Variants in AGMO observed in about 807,000 individuals in gnomAD.
AGMO encodes alkylglycerol monooxygenase, also known as glyceryl-ether monooxygenase.
Under a neutral mutation model 60.2 loss-of-function variants are expected in AGMO, and 75 were observed. That is an observed-to-expected ratio of 1.25 (90% confidence interval 1.03 to 1.51). The LOEUF (loss-of-function observed/expected upper bound fraction) is 1.51. Ranked by LOEUF, AGMO falls within the 40% of genes most tolerant of loss-of-function variation. AGMO has a pLI of 0.00. For synonymous variants in AGMO, 261 were observed against 177.1 expected, an observed-to-expected ratio of 1.47 and a Z score of -3.76; for missense variants, 763 against 525.5, an observed-to-expected ratio of 1.45 and a Z score of -4.42.
chr7:15,336,297 T>C (rs928488272), intron 12 of AGMO, among the ~76,000 whole-genome samples: 23 of 128,634 alleles, frequency 1.8e-4, no homozygotes, highest in African/African-American at 5.7e-4. Flanking sequence ...AGTTCTTTTG[T>C]TTATTTAGAA....
chr7:15,272,005 C>A (rs529621062), intron 12 of AGMO, among the ~76,000 whole-genome samples: 158 of 152,228 alleles, frequency 1.0e-3, no homozygotes, highest in Non-Finnish European at 2.0e-3. Context: ...GTTAAACCAT[C>A]TTTGCATCTC....
intron 12 of AGMO, among the ~76,000 whole-genome samples, chr7:15,241,016 T>A (rs2057807728): frequency 1.3e-5 from 2 of 152,174 alleles, no homozygotes; most frequent in African/African-American, 2.4e-5. Context: ...TAGATTCCAA[T>A]GAGCTTTAAC....
In AGMO at chr7:15,365,916, T is replaced by C. The variant is rs191319746; in HGVS notation, c.1157+224A>G. Among the ~76,000 whole-genome samples, 3 of 152,180 alleles carry C rather than the reference T, an allele frequency of 2.0e-5. No homozygotes were observed. In the East Asian group the frequency reaches 5.8e-4, roughly 29 times the overall value. On this transcript the variant is annotated intron_variant, in intron 11 of 12. Transcript: ENST00000342526. The stretch of plus-strand genomic sequence containing the variant: ...TTCTAGGGTTTAAAGTAAGTGAGAC[T>C]CTTTTCACTGATTTAATGTCTTCAT...
intron 3 of AGMO, among the ~76,000 whole-genome samples, chr7:15,542,603 A>G (rs375047690): frequency 1.3e-5 from 2 of 152,324 alleles, no homozygotes; most frequent in East Asian, 3.9e-4. Context: ...AGTATGTAAT[A>G]TAGTACAATA....
chr7:15,457,854 A>G (rs1368425877), intron 3 of AGMO, among the ~76,000 whole-genome samples: 3 of 152,074 alleles, frequency 2.0e-5, no homozygotes, highest in Non-Finnish European at 4.4e-5. Context: ...CATCTTTTCC[A>G]GGCTTTACTC....
chr7:15,163,939 G>T, the AGMO span, among the ~76,000 whole-genome samples: 1 of 151,974 alleles, frequency 6.6e-6, no homozygotes, highest in South Asian at 2.1e-4. Flanking sequence ...ATTTGACTAT[G>T]AATCTGTCTG....
At chr7:15,543,184 G>A (rs575760918) in intron 3 of AGMO, among the ~76,000 whole-genome samples, 14 of 152,156 alleles carry the variant, frequency 9.2e-5, no homozygotes, top group Middle Eastern at 6.8e-3. Context: ...ACCACCCACT[G>A]AAATCCTGAG....
At chr7:15,483,054 G>T (rs993868093) in intron 3 of AGMO, among the ~76,000 whole-genome samples, 6 of 151,964 alleles carry the variant, frequency 3.9e-5, no homozygotes, top group Non-Finnish European at 5.9e-5. Context: ...AGTACAGTGA[G>T]GCAAGAAGAA....
rs569953449 is a variant in AGMO at position 15,509,955 on chromosome 7, C to T, written c.409+34817G>A. Among the ~76,000 whole-genome samples, 25 of 152,212 alleles carry T rather than the reference C, an allele frequency of 1.6e-4. No homozygotes were observed. The East Asian group carries it at 2.7e-3, about 17-fold the overall frequency. ...GTGTGGAGAAAAGGGAACCCTAGTA[C>T]ACTGTGAGTGAGAATGTAAATTGGT... On this transcript the variant is annotated intron_variant, in intron 3 of 12. Coordinates refer to ENST00000342526, the MANE Select transcript of AGMO (RefSeq NM_001004320.2).
chr7:15,351,518 G>A (rs1040418383), intron 12 of AGMO, among the ~76,000 whole-genome samples: 2 of 152,020 alleles, frequency 1.3e-5, no homozygotes, highest in African/African-American at 4.8e-5. Flanking sequence ...TTAGCCAGCA[G>A]AAGAAAAAAG....
intron 12 of AGMO, among the ~76,000 whole-genome samples, chr7:15,273,615 A>G (rs1428195392): frequency 1.3e-5 from 2 of 151,994 alleles, no homozygotes; most frequent in Non-Finnish European, 2.9e-5. Flanking sequence ...GCTCTTTTTT[A>G]GTTCCATATG....
chr7:15,373,741 A>T (rs1783331737), intron 10 of AGMO, among the ~76,000 whole-genome samples: 1 of 152,180 alleles, frequency 6.6e-6, no homozygotes, highest in African/African-American at 2.4e-5. Flanking sequence ...AGATGATTTG[A>T]TAATATTTTC....
At position 15,425,583 on chromosome 7, in the gene AGMO, C is replaced by T. The variant is rs1375672354; in HGVS notation, c.513+5422G>A. On this transcript the variant is annotated intron_variant, in intron 4 of 12. Transcript: ENST00000342526. The stretch of plus-strand genomic sequence containing the variant: ...CCTCCTGAGTAGCTGGGACTACAGG[C>T]GTGCACCACCACACCCGACTAATTT... Among the ~76,000 whole-genome samples, 5 of 151,816 alleles carry T rather than the reference C, an allele frequency of 3.3e-5. No individual in the cohort carries two copies. The South Asian group carries it at 8.3e-4, about 25-fold the overall frequency.
intron 5 of AGMO, among the ~76,000 whole-genome samples, chr7:15,413,421 G>C (rs575318165): frequency 3.9e-5 from 6 of 152,178 alleles, no homozygotes; most frequent in African/African-American, 1.4e-4. Context: ...CAATGTTTAA[G>C]AAAATCATGA....
chr7:15,415,496 T>C (rs1005616576), intron 5 of AGMO, among the ~76,000 whole-genome samples: 1 of 151,962 alleles, frequency 6.6e-6, no homozygotes, highest in African/African-American at 2.4e-5. Flanking sequence ...GGAGCTGAGA[T>C]GGTGCCACTG....
At chr7:15,287,903 C>A (rs528081750) in intron 12 of AGMO, among the ~76,000 whole-genome samples, 1 of 152,110 alleles carries the variant, frequency 6.6e-6, no homozygotes, top group South Asian at 2.1e-4. Flanking sequence ...AGTCAATCAA[C>A]AGTTATGTAG....
At chr7:15,558,417 C>T (rs1269953336) in intron 2 of AGMO, among the ~76,000 whole-genome samples, 1 of 151,992 alleles carries the variant, frequency 6.6e-6, no homozygotes, top group Non-Finnish European at 1.5e-5. Flanking sequence ...ATACACTTAA[C>T]TTTCTGAGAA....
At chr7:15,548,599 G>C (rs983248633) in intron 2 of AGMO, among the ~76,000 whole-genome samples, 2 of 152,080 alleles carry the variant, frequency 1.3e-5, no homozygotes, top group Non-Finnish European at 2.9e-5. Context: ...AATGAAGCGA[G>C]AAGGGAAGTT....
chr7:15,407,992 T>A (rs1784750508), intron 5 of AGMO, among the ~76,000 whole-genome samples: 1 of 151,830 alleles, frequency 6.6e-6, no homozygotes, highest in African/African-American at 2.4e-5. Context: ...ACAGAGTTAG[T>A]GTAAAGAAAA....
Sources: allele counts gnomAD v4.1 joint callset (sites outside exome capture counted in the v4.1 genomes callset), GRCh38; gene constraint gnomAD v4.1.1; transcripts MANE v1.5; gene names NCBI Gene and HGNC (gene_info 2026-07-23, HGNC 2026-07-21).